PATJ: variants seen among roughly 807,000 people sequenced by gnomAD.
PATJ encodes inaD-like protein.
A neutral mutation model predicts 224.9 loss-of-function variants in PATJ; 190 were observed. That is an observed-to-expected ratio of 0.84 (90% CI 0.75 to 0.95). The LOEUF (loss-of-function observed/expected upper bound fraction) is 0.95. Among genes scored for constraint, PATJ ranks in the 40% least tolerant of loss-of-function variants. The pLI is 0.00. For synonymous variants in PATJ, 769 were observed against 820.3 expected, an observed-to-expected ratio of 0.94 and a Z score of 1.07; for missense variants, 2,121 against 2,270.3, an observed-to-expected ratio of 0.93 and a Z score of 1.34.
Position 62,161,186 on chromosome 1 carries a change from G to A in PATJ, c.*132G>A. The A allele has an allele frequency of 1.6e-6, 1 of 613,976 alleles. No individual in the cohort carries two copies. Among genetic ancestry groups the A allele is most frequent in the Non-Finnish European group, 2.4e-6 (1 of 409,760 alleles). 38.0% of individuals were successfully genotyped at this position (613,976 alleles called of 1,614,324 possible). On this transcript the variant is annotated 3_prime_UTR_variant, in exon 44 of 44. Coordinates refer to ENST00000642238, the MANE Select transcript of PATJ (RefSeq NM_001350145.3). ...CTTATTTCTTGCCCTCTCTGCTCAG[G>A]AGAAATGGCTGAGGTTTCATGTGAA... is the stretch of plus-strand genomic sequence containing the variant.
intron 30 of PATJ, 105 bp from the exon 31 acceptor site, chr1:62,050,861 C>A: frequency 1.3e-6 from 1 of 798,338 alleles, no homozygotes; most frequent in Non-Finnish European, 2.1e-6. Context: ...GAAACAATAT[C>A]CACCACAACC....
chr1:62,136,685 G>A (rs1050238114), intron 41 of PATJ, among the ~76,000 whole-genome samples: 10 of 147,218 alleles, frequency 6.8e-5, no homozygotes, highest in Admixed American at 6.1e-4. Flanking sequence ...GTGTGTGTGT[G>A]TGTGTGTCTG....
intron 27 of PATJ, among the ~76,000 whole-genome samples, chr1:61,982,272 C>T (rs544025193): frequency 6.6e-6 from 1 of 152,100 alleles, no homozygotes; most frequent in African/African-American, 2.4e-5. Context: ...TGTTCTGAAT[C>T]CTGACAATAA....
chr1:61,911,677 T>A (rs1339817228), intron 25 of PATJ, among the ~76,000 whole-genome samples: 1 of 140,198 alleles, frequency 7.1e-6, no homozygotes, highest in East Asian at 2.0e-4. Flanking sequence ...TCACAGAAAT[T>A]CCATCATCTA....
intron 33 of PATJ, among the ~76,000 whole-genome samples, chr1:62,103,772 A>G (rs969796970): frequency 2.6e-5 from 4 of 152,142 alleles, no homozygotes; most frequent in Admixed American, 2.6e-4. Context: ...AAAAAAAAAA[A>G]AGCAATCTAT....
At chr1:61,891,853 G>A (rs1272740397) in intron 22 of PATJ, among the ~76,000 whole-genome samples, 1 of 152,106 alleles carries the variant, frequency 6.6e-6, no homozygotes, top group Non-Finnish European at 1.5e-5. Context: ...TGAAGATAAG[G>A]AACATTTCCA....
At chr1:61,947,636 T>C (rs1678950785) in intron 27 of PATJ, among the ~76,000 whole-genome samples, 1 of 152,206 alleles carries the variant, frequency 6.6e-6, no homozygotes, top group African/African-American at 2.4e-5. Flanking sequence ...ATGGCCATAC[T>C]ACCCAAGGTA....
At chr1:62,060,036 T>C (rs1372034442) in intron 31 of PATJ, among the ~76,000 whole-genome samples, 2 of 152,204 alleles carry the variant, frequency 1.3e-5, no homozygotes, top group African/African-American at 4.8e-5. Flanking sequence ...TAGATGTCTC[T>C]GTAAAACAAG....
chr1:61,808,430 A>C (rs1487481445), intron 13 of PATJ, 44 bp from the exon 14 acceptor site: 1 of 1,163,508 alleles, frequency 8.6e-7, no homozygotes, highest in South Asian at 1.2e-5. Context: ...GAGGAAATAC[A>C]GTTATGCTTT....
intron 17 of PATJ, among the ~76,000 whole-genome samples, chr1:61,848,267 C>G (rs1175497911): frequency 6.6e-6 from 1 of 152,178 alleles, no homozygotes; most frequent in African/African-American, 2.4e-5. Flanking sequence ...CAAAACTTGT[C>G]TCTTCTAATC....
At chr1:61,929,136 C>G (rs1452499580) in intron 27 of PATJ, among the ~76,000 whole-genome samples, 2 of 152,144 alleles carry the variant, frequency 1.3e-5, no homozygotes, top group Non-Finnish European at 2.9e-5. Flanking sequence ...TATGTATGTG[C>G]ACATGTGTAA....
intron 14 of PATJ, among the ~76,000 whole-genome samples, chr1:61,818,062 C>T (rs187060064): frequency 2.0e-5 from 3 of 152,162 alleles, no homozygotes; most frequent in Admixed American, 6.5e-5. Context: ...TTTATATTCC[C>T]GCTTAAGCAT....
intron 28 of PATJ, among the ~76,000 whole-genome samples, chr1:62,001,007 T>C (rs1227920923): frequency 6.6e-6 from 1 of 152,106 alleles, no homozygotes; most frequent in African/African-American, 2.4e-5. Flanking sequence ...TTTTGAGAAG[T>C]GTCTGCTCAT....
intron 33 of PATJ, among the ~76,000 whole-genome samples, chr1:62,101,908 G>A (rs1166304847): frequency 6.6e-6 from 1 of 152,202 alleles, no homozygotes; most frequent in East Asian, 1.9e-4. Flanking sequence ...GCTGGGCACA[G>A]TGACTTACAC....
intron 11 of PATJ, among the ~76,000 whole-genome samples, chr1:61,798,832 A>G (rs1651871595): frequency 6.6e-6 from 1 of 151,944 alleles, no homozygotes; most frequent in Non-Finnish European, 1.5e-5. Flanking sequence ...TTGAGGCTTC[A>G]GTGAGCATGC....
chr1:62,162,724 G>C lies in PATJ; in HGVS notation c.*1670G>C, dbSNP rs145204719. 0.021 allele frequency: 3,465 copies of C among 164,900 alleles called. 124 individuals carry two copies. The highest frequency in any genetic ancestry group is 0.076 in the African/African-American group (3,150 of 41,600). The allele number at this position is 164,900 out of a possible 1,614,324, so 10.2% of individuals were successfully genotyped here. A position where few individuals can be genotyped will look rare whatever the true frequency, so the allele number is the denominator to read the frequency against. ...AGCACTTTGGGAGGCCAGGGCAGGC[G>C]AATCATGAGGTCAGGAGTTCGAGAC... On this transcript the variant is annotated 3_prime_UTR_variant, in exon 44 of 44. Coordinates refer to ENST00000642238, the MANE Select transcript of PATJ (RefSeq NM_001350145.3).
In PATJ at chr1:62,082,393, G is replaced by A. The variant is rs74988104; in HGVS notation, c.4244-2122G>A. ...GTTACATGCATTTTTCTGATGAGAA[G>A]TGAGCTCCACTTTCACCCTCCTGTT... On this transcript the variant is annotated intron_variant, in intron 32 of 43. Transcript: ENST00000642238. Among the ~76,000 whole-genome samples the A allele has an allele frequency of 9.1e-3, 1,390 of 152,288 alleles. 18 individuals are homozygous for A. The highest frequency in any genetic ancestry group is 0.032 in the African/African-American group (1,315 of 41,546).
chr1:62,034,715 C>T (rs72915883), intron 29 of PATJ, among the ~76,000 whole-genome samples: 6,743 of 152,210 alleles, frequency 0.044, 343 homozygotes, highest in East Asian at 0.28. Context: ...CTTCTTATAG[C>T]AGCTTTCTTC....
chr1:62,148,291 C>T lies in PATJ; in HGVS notation c.5279C>T (p.Ala1760Val), dbSNP rs755163556. 3 of 1,612,280 alleles carry T rather than the reference C, an allele frequency of 1.9e-6. No homozygotes were observed. The South Asian group carries it at 3.3e-5, about 18-fold the overall frequency. Residue 1760 changes from alanine (A) to valine (V), a missense_variant, in exon 42 of 44, where the codon GCA becomes GTA. Coordinates refer to ENST00000642238, the MANE Select transcript of PATJ (RefSeq NM_001350145.3). The stretch of plus-strand genomic sequence containing the variant: ...TTTTCACTTTTTCCCCAGGTTGTAG[C>T]AGATACCAATATAAGCGCCATAGCA... ...AYGRIILQVV[A>V]DTNISAIAAQ...
Sources: gnomAD v4.1 joint callset for allele counts (sites outside exome capture counted in the v4.1 genomes callset) on GRCh38, gnomAD v4.1.1 for gene constraint, MANE v1.5 for transcripts, NCBI Gene and HGNC (gene_info 2026-07-23, HGNC 2026-07-21) for gene names.